SLC17A5: variants seen among roughly 807,000 people sequenced by gnomAD.
SLC17A5 encodes the protein sialin.
In SLC17A5, 47 loss-of-function variants were observed where a neutral mutation model predicts 59.4. The observed-to-expected ratio is 0.79, with a 90% CI of 0.63 to 1.01. SLC17A5 has a LOEUF of 1.01. SLC17A5 is among the 50% of genes least tolerant of loss of function. The probability of loss-of-function intolerance (pLI) is 0.00; values close to 1 mark genes in which losing one functional copy is unlikely to be tolerated. For missense variants in SLC17A5, 522 were observed against 595.5 expected (o/e 0.88, Z 1.28); for synonymous variants, 202 against 210.7 (o/e 0.96, Z 0.36).
intron 6 of SLC17A5, among the ~76,000 whole-genome samples, chr6:73,632,433 G>GTTTT (rs1768782373): frequency 2.0e-5 from 2 of 101,398 alleles, no homozygotes; most frequent in Non-Finnish European, 4.3e-5. Context: ...TGTAGAGAAA[G>GTTTT]CTTTTTTTTT....
Position 73,653,881 on chromosome 6 carries a change from C to G in SLC17A5, c.6G>C (p.Arg2Ser). 1 of 1,605,350 alleles carries G rather than the reference C, an allele frequency of 6.2e-7. No individual in the cohort carries two copies. The highest frequency in any genetic ancestry group is 8.5e-7 in the Non-Finnish European group (1 of 1,176,598). M[R>S]SPVRDLARND... ...TCCGGGCCAGGTCTCGAACCGGAGA[C>G]CTCATGACGCCTACGTGAGCAGGTG... The change falls in exon 1 of 11, where the codon AGG (arginine) becomes AGC (serine). Residue 2 changes from arginine to serine, a missense_variant. Physicochemically the swap from Arg to Ser is moderately radical, Grantham distance 110. Around this residue, in one of 3 missense-constraint regions of SLC17A5, gnomAD observed 338 missense variants for 363.8 expected, o/e 0.93. Transcript: ENST00000355773.
chr6:73,625,183 T>A (rs1045810778), intron 6 of SLC17A5, among the ~76,000 whole-genome samples: 6 of 152,178 alleles, frequency 3.9e-5, no homozygotes, highest in East Asian at 1.9e-4. Flanking sequence ...TTACAAATTT[T>A]AAAAAATTAT....
chr6:73,630,400 C>T (rs1468083383), intron 6 of SLC17A5, among the ~76,000 whole-genome samples: 1 of 152,224 alleles, frequency 6.6e-6, no homozygotes. Flanking sequence ...CCTATAAGTA[C>T]TGACTTTTTC....
chr6:73,625,912 G>C (rs967625041), intron 6 of SLC17A5, among the ~76,000 whole-genome samples: 1 of 152,212 alleles, frequency 6.6e-6, no homozygotes, highest in Non-Finnish European at 1.5e-5. Context: ...CTGCTGTAGA[G>C]ATCAGATTTT....
chr6:73,629,469 T>C (rs9446955), intron 6 of SLC17A5, among the ~76,000 whole-genome samples: 24,840 of 151,460 alleles, frequency 0.16, 3,140 homozygotes, highest in African/African-American at 0.35. Flanking sequence ...ATGATATCCT[T>C]GGAATTAAGA....
chr6:73,629,373 C>A (rs1161047210), intron 6 of SLC17A5, among the ~76,000 whole-genome samples: 3 of 152,132 alleles, frequency 2.0e-5, no homozygotes, highest in Non-Finnish European at 4.4e-5. Context: ...GCCTAGGCAA[C>A]AGAACCAGAC....
At chr6:73,610,572 G>A (rs759383347) in intron 8 of SLC17A5, 25 bp from the exon 9 acceptor site, 1 of 1,612,660 alleles carries the variant, frequency 6.2e-7, no homozygotes, top group Non-Finnish European at 8.5e-7. Context: ...TTATAAAAGG[G>A]AAAAAACACC....
intron 6 of SLC17A5, among the ~76,000 whole-genome samples, chr6:73,622,277 G>C (rs1290194531): frequency 4.6e-5 from 7 of 151,208 alleles, no homozygotes; most frequent in African/African-American, 1.7e-4. Context: ...CTGCAGCATT[G>C]ATTTATCTAT....
intron 1 of SLC17A5, among the ~76,000 whole-genome samples, chr6:73,648,516 T>C (rs1248523082): frequency 6.6e-6 from 1 of 152,214 alleles, no homozygotes; most frequent in Non-Finnish European, 1.5e-5. Flanking sequence ...TAGAAATTAC[T>C]TACTAGTTTT....
At chr6:73,615,704 CTG>C (rs1478133954) in intron 7 of SLC17A5, among the ~76,000 whole-genome samples, 1 of 152,060 alleles carries the variant, frequency 6.6e-6, no homozygotes, top group African/African-American at 2.4e-5. Flanking sequence ...GTAATCTTGA[CTG>C]TTTCTCTGGG....
intron 9 of SLC17A5, among the ~76,000 whole-genome samples, chr6:73,608,495 T>C (rs73754636): frequency 0.024 from 3,680 of 152,282 alleles, 143 homozygotes; most frequent in African/African-American, 0.083. Context: ...AGAAACAATC[T>C]GTGGTGATAT....
At chr6:73,598,424 A>T (rs1766914310) in intron 10 of SLC17A5, among the ~76,000 whole-genome samples, 1 of 152,070 alleles carries the variant, frequency 6.6e-6, no homozygotes, top group South Asian at 2.1e-4. Context: ...TGAGGTCAGA[A>T]GTTCGAGACC....
chr6:73,601,305 G>A (rs372395383), intron 9 of SLC17A5, among the ~76,000 whole-genome samples: 5 of 133,190 alleles, frequency 3.8e-5, no homozygotes, highest in South Asian at 2.3e-4. Context: ...CCCTCCGCCC[G>A]GCAGCCGCCC....
Position 73,641,892 on chromosome 6 carries a change from T to C in SLC17A5, c.324A>G (p.Gln108=). The stretch of plus-strand genomic sequence containing the variant: ...AAAAAAAGGAACCGAGAATCCATCC[T>C]TGAGTTTCTGCATCCCATTGGTACT... The part of the protein sequence containing the change: ...GKKYQWDAET[Q]GWILGSFFYG... The change falls in exon 3 of 11, where the codon CAA becomes CAG. Residue 108 remains glutamine (Q), a synonymous_variant. Transcript: ENST00000355773. 1 of 1,614,218 alleles carries C rather than the reference T, an allele frequency of 6.2e-7. No homozygotes were observed. Among genetic ancestry groups the C allele is most frequent in the Non-Finnish European group, 8.5e-7 (1 of 1,180,030 alleles).
intron 8 of SLC17A5, among the ~76,000 whole-genome samples, chr6:73,611,982 C>T (rs1767657479): frequency 6.6e-6 from 1 of 151,724 alleles, no homozygotes; most frequent in Non-Finnish European, 1.5e-5. Flanking sequence ...CAGGTGCACG[C>T]CACCATGTCT....
intron 10 of SLC17A5, among the ~76,000 whole-genome samples, chr6:73,598,931 C>T (rs908164104): frequency 6.6e-6 from 1 of 151,912 alleles, no homozygotes; most frequent in African/African-American, 2.4e-5. Flanking sequence ...TTGTGGTGAG[C>T]TGAGATTGCG....
intron 7 of SLC17A5, among the ~76,000 whole-genome samples, chr6:73,616,204 C>A (rs1207168175): frequency 6.6e-6 from 1 of 152,064 alleles, no homozygotes; most frequent in Non-Finnish European, 1.5e-5. Context: ...TTCTAATGAC[C>A]ATCTAGGTCA....
chr6:73,616,053 T>G (rs1767844476), intron 7 of SLC17A5, among the ~76,000 whole-genome samples: 1 of 151,874 alleles, frequency 6.6e-6, no homozygotes, highest in African/African-American at 2.4e-5. Context: ...ACCTGGCTAA[T>G]TTTTGTATTT....
At chr6:73,624,390 C>T (rs749381274) in intron 6 of SLC17A5, among the ~76,000 whole-genome samples, 3 of 152,044 alleles carry the variant, frequency 2.0e-5, no homozygotes, top group East Asian at 1.9e-4. Context: ...GGCGACAGAG[C>T]GAGACTCTGT....
Sources: allele counts gnomAD v4.1 joint callset (sites outside exome capture counted in the v4.1 genomes callset), GRCh38; gene constraint gnomAD v4.1.1; regional missense constraint gnomAD v4.1.1; transcripts MANE v1.5; gene names NCBI Gene and HGNC (gene_info 2026-07-23, HGNC 2026-07-21).